Variants in ZBTB7C observed in about 807,000 individuals in gnomAD.
ZBTB7C encodes the protein zinc finger and BTB domain containing 7C.
A neutral mutation model predicts 25.7 loss-of-function variants in ZBTB7C; 8 were observed. That is an observed-to-expected ratio of 0.31 (90% confidence interval 0.18 to 0.56). ZBTB7C has a LOEUF of 0.56. ZBTB7C is among the 20% of genes least tolerant of loss of function. The probability of loss-of-function intolerance (pLI) is 0.91; values close to 1 mark genes in which losing one functional copy is unlikely to be tolerated. For missense variants in ZBTB7C, 824 were observed against 855.2 expected, an observed-to-expected ratio of 0.96 and a Z score of 0.46; for synonymous variants, 394 against 369.0, an observed-to-expected ratio of 1.07 and a Z score of -0.78.
chr18:48,285,505 CTTCT>C (rs1430029319), intron 2 of ZBTB7C, among the ~76,000 whole-genome samples: 2 of 152,066 alleles, frequency 1.3e-5, no homozygotes, highest in East Asian at 3.9e-4. Flanking sequence ...TCATCTCTTT[CTTCT>C]TTATTTTATT....
At chr18:48,347,616 G>A (rs1482213641) in intron 1 of ZBTB7C, among the ~76,000 whole-genome samples, 6 of 152,094 alleles carry the variant, frequency 3.9e-5, no homozygotes, top group Non-Finnish European at 8.8e-5. Flanking sequence ...ACATGCTATG[G>A]GGTGGGCAGC....
intron 1 of ZBTB7C, among the ~76,000 whole-genome samples, chr18:48,386,864 C>T (rs953736310): frequency 1.3e-5 from 2 of 152,182 alleles, no homozygotes; most frequent in Non-Finnish European, 2.9e-5. Context: ...CCAAGTCTCC[C>T]ACACCTCTCT....
chr18:48,081,028 C>T (rs559953262), intron 3 of ZBTB7C, among the ~76,000 whole-genome samples: 4 of 152,362 alleles, frequency 2.6e-5, no homozygotes, highest in Middle Eastern at 3.4e-3. Flanking sequence ...AGCCATACAG[C>T]TCTCCCTGCA....
At chr18:48,141,370 C>T (rs926277386) in intron 3 of ZBTB7C, among the ~76,000 whole-genome samples, 3 of 152,094 alleles carry the variant, frequency 2.0e-5, no homozygotes, top group Non-Finnish European at 4.4e-5. Context: ...CTGTCCCTCC[C>T]ACTAGAATGT....
rs1568168007 is a variant in ZBTB7C, at chr18:48,040,658, ATCATCATCATCTTCG to A, written c.435_449del (p.Asp147_Glu151del). ...CCTCCTCCTCCTCTTCGTCCTCCTC[ATCATCATCATCTTCG>A]TCGTCGTCATCGTCCTCCTTGTCAT... On this transcript the variant is annotated inframe_deletion, in exon 4 of 5. Coordinates refer to ENST00000590800, the MANE Select transcript of ZBTB7C (RefSeq NM_001318841.2). 1 of 1,611,454 alleles carries A rather than the reference ATCATCATCATCTTCG, an allele frequency of 6.2e-7. No individual in the cohort carries two copies. Among genetic ancestry groups the A allele is most frequent in the South Asian group, 1.1e-5 (1 of 90,914 alleles).
intron 2 of ZBTB7C, among the ~76,000 whole-genome samples, chr18:48,250,628 T>C (rs957818167): frequency 6.6e-6 from 1 of 152,176 alleles, no homozygotes; most frequent in African/African-American, 2.4e-5. Flanking sequence ...ATGATGTAAT[T>C]TCCAAGCTCT....
At chr18:48,154,173 C>A (rs1471819814) in intron 3 of ZBTB7C, among the ~76,000 whole-genome samples, 2 of 152,198 alleles carry the variant, frequency 1.3e-5, no homozygotes, top group African/African-American at 4.8e-5. Context: ...CACCTGGGGT[C>A]CTGACAGACA....
At chr18:48,089,900 G>A (rs184271758) in intron 3 of ZBTB7C, among the ~76,000 whole-genome samples, 3 of 152,306 alleles carry the variant, frequency 2.0e-5, no homozygotes, top group Non-Finnish European at 4.4e-5. Flanking sequence ...TGAGGCTGCC[G>A]ATCACGCAGG....
chr18:48,062,894 G>A (rs2037177091), intron 3 of ZBTB7C, among the ~76,000 whole-genome samples: 1 of 152,220 alleles, frequency 6.6e-6, no homozygotes, highest in Non-Finnish European at 1.5e-5. Context: ...CAAGATGCTT[G>A]TCCTGGCACA....
chr18:48,135,945 G>T (rs1024443696), intron 3 of ZBTB7C, among the ~76,000 whole-genome samples: 1 of 152,238 alleles, frequency 6.6e-6, no homozygotes, highest in African/African-American at 2.4e-5. Flanking sequence ...GAAGGCAGCC[G>T]CCCGCTGCCC....
chr18:48,262,725 G>A (rs767731971), intron 2 of ZBTB7C, among the ~76,000 whole-genome samples: 27 of 152,124 alleles, frequency 1.8e-4, no homozygotes, highest in Non-Finnish European at 2.9e-4. Flanking sequence ...AGTTCGAGAA[G>A]ACTGCATGTC....
In ZBTB7C at chr18:48,029,708, C is replaced by G. The variant is rs1309074623; in HGVS notation, c.1412G>C (p.Ser471Thr). 1.2e-6 allele frequency: 2 copies of G among 1,604,040 alleles called. No homozygotes were observed. The highest frequency in any genetic ancestry group is 1.7e-6 in the Non-Finnish European group (2 of 1,179,292). Residue 471 changes from serine to threonine, a missense_variant, in exon 5 of 5, where the codon AGC (serine) becomes ACC (threonine). By Grantham distance (58) the Ser-to-Thr change is moderately conservative. Transcript: ENST00000590800. ...DHLHRHIKRQ[S>T]CRMARPRRGR... ...GCGTCGGGGCCGTGCCATGCGGCAGCTCTGGCGCTTGATGTGGCGGTGCAG... is the reference window on the plus strand; with the variant it reads ...GCGTCGGGGCCGTGCCATGCGGCAGGTCTGGCGCTTGATGTGGCGGTGCAG...
chr18:48,325,793 G>A (rs2046204107), intron 2 of ZBTB7C, among the ~76,000 whole-genome samples: 1 of 152,174 alleles, frequency 6.6e-6, no homozygotes, highest in South Asian at 2.1e-4. Context: ...CATGACAGGT[G>A]AAGAAAGGGC....
At chr18:48,340,906 G>A (rs2046584207) in intron 1 of ZBTB7C, among the ~76,000 whole-genome samples, 1 of 152,210 alleles carries the variant, frequency 6.6e-6, no homozygotes, top group Non-Finnish European at 1.5e-5. Flanking sequence ...CACCCTGGGT[G>A]ATCTCGCCAT....
intron 1 of ZBTB7C, among the ~76,000 whole-genome samples, chr18:48,347,469 G>C (rs1485380605): frequency 6.6e-6 from 1 of 152,024 alleles, no homozygotes; most frequent in African/African-American, 2.4e-5. Context: ...TTAGAGGCAG[G>C]CTTCCTCAGA....
intron 3 of ZBTB7C, among the ~76,000 whole-genome samples, chr18:48,089,165 G>A (rs905834227): frequency 6.6e-6 from 1 of 152,124 alleles, no homozygotes; most frequent in Admixed American, 6.5e-5. Context: ...TCCCAACCAT[G>A]GACTTCTAAG....
intron 3 of ZBTB7C, chr18:48,165,116 T>C (rs2144980289): frequency 7.8e-7 from 1 of 1,289,268 alleles, no homozygotes; most frequent in South Asian, 1.2e-5. Context: ...ATCCCAGCAT[T>C]ACAGGGACAC....
At chr18:48,161,970 C>T (rs946528098) in intron 3 of ZBTB7C, among the ~76,000 whole-genome samples, 1 of 151,984 alleles carries the variant, frequency 6.6e-6, no homozygotes, top group East Asian at 1.9e-4. Flanking sequence ...CGCGGCACCG[C>T]CCCTGCCCAC....
chr18:48,051,757 T>A (rs7239672), intron 3 of ZBTB7C, among the ~76,000 whole-genome samples: 2 of 152,004 alleles, frequency 1.3e-5, no homozygotes, highest in Middle Eastern at 3.4e-3. Flanking sequence ...TTTGCTAGGG[T>A]GCAACTGCAG....
Sources: allele counts gnomAD v4.1 joint callset (sites outside exome capture counted in the v4.1 genomes callset), GRCh38; gene constraint gnomAD v4.1.1; transcripts MANE v1.5; gene names NCBI Gene and HGNC (gene_info 2026-07-23, HGNC 2026-07-21).